ELOVL6: variants seen among roughly 807,000 people sequenced by gnomAD.
ELOVL6 encodes the protein ELOVL fatty acid elongase 6, also known as very long chain fatty acid elongase 6.
In ELOVL6, 8 loss-of-function variants were observed where a neutral mutation model predicts 31.7. The ratio of observed to expected loss-of-function variants is 0.25; its 90% confidence interval spans 0.15 to 0.45. ELOVL6 has a LOEUF of 0.45. Ranked by LOEUF, ELOVL6 falls within the 20% of genes least tolerant of loss-of-function variation. The probability of loss-of-function intolerance (pLI) is 1.00; values close to 1 mark genes in which losing one functional copy is unlikely to be tolerated. For synonymous variants in ELOVL6, 101 were observed against 117.7 expected, an observed-to-expected ratio of 0.86 and a Z score of 0.92; for missense variants, 126 against 326.4, an observed-to-expected ratio of 0.39 and a Z score of 4.73.
intron 3 of ELOVL6, among the ~76,000 whole-genome samples, chr4:110,056,892 T>C (rs1755001116): frequency 6.6e-6 from 1 of 152,084 alleles, no homozygotes; most frequent in African/African-American, 2.4e-5. Flanking sequence ...GAATGGACAT[T>C]TGGGCCTGGA....
chr4:110,158,889 G>C (rs1246938510), intron 1 of ELOVL6, among the ~76,000 whole-genome samples: 1 of 151,856 alleles, frequency 6.6e-6, no homozygotes, highest in African/African-American at 2.4e-5. Context: ...TTCAACTCCT[G>C]ACCTCAGGTG....
At chr4:110,090,464 G>C (rs1040935778) in intron 2 of ELOVL6, among the ~76,000 whole-genome samples, 1 of 152,110 alleles carries the variant, frequency 6.6e-6, no homozygotes, top group African/African-American at 2.4e-5. Flanking sequence ...AAGAAATCCA[G>C]TCATTGACTG....
rs1347865597 is a variant in ELOVL6, at chr4:110,156,725, C to T, written c.89+41522G>A. On this transcript the variant is annotated intron_variant, in intron 1 of 3. Transcript: ENST00000302274. Reference sequence around the variant, plus strand: ...AGAAACGGGCCCATGTAATAAAGCACATGCTTCTTTTTCAGGACAGAAGAG... The same window carrying T: ...AGAAACGGGCCCATGTAATAAAGCATATGCTTCTTTTTCAGGACAGAAGAG... 6.6e-5 allele frequency among the ~76,000 whole-genome samples: 10 copies of T among 152,114 alleles called. No individual in the cohort carries two copies. In the East Asian group the frequency reaches 1.9e-3, roughly 29 times the overall value.
At chr4:110,150,702 TAATTTTATTACTTA>T (rs1416885613) in intron 1 of ELOVL6, among the ~76,000 whole-genome samples, 1 of 152,238 alleles carries the variant, frequency 6.6e-6, no homozygotes, top group Non-Finnish European at 1.5e-5. Flanking sequence ...TTCCAAGCTT[TAATTTTATTACTTA>T]GTGATAATAG....
chr4:110,062,892 GAAT>G (rs1211814236), intron 2 of ELOVL6, among the ~76,000 whole-genome samples: 2 of 152,126 alleles, frequency 1.3e-5, no homozygotes, highest in South Asian at 4.1e-4. Context: ...TCTGAAATGA[GAAT>G]AATATCTAAC....
intron 1 of ELOVL6, among the ~76,000 whole-genome samples, chr4:110,140,187 A>G (rs78855580): frequency 0.017 from 2,643 of 152,310 alleles, 117 homozygotes; most frequent in East Asian, 0.17. Flanking sequence ...CAGTAGGTGA[A>G]AAAGTTGGGT....
rs1578438029 is a variant in ELOVL6, at chr4:110,049,857, G to C, written c.*1481C>G. ...TGACACATGTATTTGGCTTGTAAAG[G>C]ACTGAAATATTACAGAGAATATTAT... is the stretch of plus-strand genomic sequence containing the variant. On this transcript the variant is annotated 3_prime_UTR_variant, in exon 4 of 4. Coordinates refer to ENST00000302274, the MANE Select transcript of ELOVL6 (RefSeq NM_024090.3). The C allele has an allele frequency of 1.3e-5, 2 of 151,250 alleles. No individual in the cohort carries two copies. The highest frequency in any genetic ancestry group is 2.9e-5 in the Non-Finnish European group (2 of 67,846). The allele number at this position is 151,250 out of a possible 1,614,324, so 9.4% of individuals were successfully genotyped here.
intron 1 of ELOVL6, among the ~76,000 whole-genome samples, chr4:110,108,790 T>G (rs1464334812): frequency 6.6e-6 from 1 of 152,156 alleles, no homozygotes; most frequent in African/African-American, 2.4e-5. Context: ...TCGGTTTGAG[T>G]GCTGTGATCA....
intron 2 of ELOVL6, among the ~76,000 whole-genome samples, chr4:110,095,925 G>C (rs1026677389): frequency 2.0e-5 from 3 of 152,158 alleles, no homozygotes; most frequent in African/African-American, 7.2e-5. Context: ...GGAAAATTGT[G>C]ATAAACTTCA....
chr4:110,147,278 TAAAAAAAAAAA>T (rs34418243), intron 1 of ELOVL6: 1 of 129,458 alleles, frequency 7.7e-6, no homozygotes, highest in East Asian at 2.2e-4. Flanking sequence ...CAATTAAAAG[TAAAAAAAAAAA>T]AAAAAAAGAA....
At position 110,092,500 on chromosome 4, in the gene ELOVL6, C is replaced by T. The variant is rs369227801; in HGVS notation, c.221+12997G>A. 2.6e-5 allele frequency among the ~76,000 whole-genome samples: 4 copies of T among 152,176 alleles called. No individual in the cohort carries two copies. In the East Asian group the frequency reaches 5.8e-4, roughly 22 times the overall value. On this transcript the variant is annotated intron_variant, in intron 2 of 3. Coordinates refer to ENST00000302274, the MANE Select transcript of ELOVL6 (RefSeq NM_024090.3). Reference sequence around the variant, plus strand: ...CCACTCTTCTCTACCATCCTCCACTCATATCCACACTTTAAGGACATGTGG... The same window carrying T: ...CCACTCTTCTCTACCATCCTCCACTTATATCCACACTTTAAGGACATGTGG...
intron 2 of ELOVL6, among the ~76,000 whole-genome samples, chr4:110,101,583 A>C (rs1756743056): frequency 6.6e-6 from 1 of 152,216 alleles, no homozygotes; most frequent in Non-Finnish European, 1.5e-5. Flanking sequence ...TGTTCTGAAT[A>C]ACACATCACA....
chr4:110,052,183 GT>G, intron 3 of ELOVL6, among the ~76,000 whole-genome samples: 1 of 152,326 alleles, frequency 6.6e-6, no homozygotes. Context: ...GAGGGGACTG[GT>G]GACTTGTCTT....
rs1353335759 is a variant in ELOVL6, at chr4:110,084,439, T to TATCACATATATCATA, written c.221+21057_221+21058insTATGATATATGTGAT. On this transcript the variant is annotated intron_variant, in intron 2 of 3. Transcript: ENST00000302274. ...CATGATATATCACATATATCATATA[T>TATCACATATATCATA]GATATATCGCATATATCATATATGA... 6.5e-5 allele frequency among the ~76,000 whole-genome samples: 6 copies of TATCACATATATCATA among 92,402 alleles called. 1 individual carries two copies. In the South Asian group the frequency reaches 8.5e-4, roughly 13 times the overall value. The allele number at this position is 92,402 out of a possible 152,430, so 60.6% of individuals were successfully genotyped here.
chr4:110,162,950 G>A (rs1578270982), intron 1 of ELOVL6, among the ~76,000 whole-genome samples: 2 of 152,320 alleles, frequency 1.3e-5, no homozygotes, highest in Middle Eastern at 6.8e-3. Flanking sequence ...AGTCAGTGGT[G>A]CAGCTGGGGT....
chr4:110,081,873 C>A (rs1438538115), intron 2 of ELOVL6, among the ~76,000 whole-genome samples: 1 of 150,142 alleles, frequency 6.7e-6, no homozygotes, highest in Non-Finnish European at 1.5e-5. Context: ...CCAGAATCTA[C>A]AAAGAACTCA....
intron 2 of ELOVL6, among the ~76,000 whole-genome samples, chr4:110,087,212 G>A (rs113321757): frequency 0.018 from 2,783 of 152,104 alleles, 42 homozygotes; most frequent in Non-Finnish European, 0.027. Flanking sequence ...GCCCCCACAA[G>A]GATTTGATGA....
chr4:110,093,013 C>T (rs534996170), intron 2 of ELOVL6: 22 of 395,600 alleles, frequency 5.6e-5, no homozygotes, highest in South Asian at 4.2e-4. Flanking sequence ...CTAGAATGCT[C>T]ATTTTATATT....
At chr4:110,084,745 C>T (rs1488071862) in intron 2 of ELOVL6, among the ~76,000 whole-genome samples, 5 of 150,608 alleles carry the variant, frequency 3.3e-5, no homozygotes, top group Admixed American at 2.7e-4. Flanking sequence ...CAGGTGCGTG[C>T]CACCACACCT....
Sources: gnomAD v4.1 joint callset for allele counts (sites outside exome capture counted in the v4.1 genomes callset) on GRCh38, gnomAD v4.1.1 for gene constraint, MANE v1.5 for transcripts, NCBI Gene and HGNC (gene_info 2026-07-23, HGNC 2026-07-21) for gene names.